Variants in SCNN1A observed in about 807,000 individuals in gnomAD.
The protein encoded by SCNN1A is epithelial sodium channel subunit alpha.
SCNN1A carries 65 observed loss-of-function variants against 68.6 expected under a neutral mutation model. That is an observed-to-expected ratio of 0.95 (90% confidence interval 0.78 to 1.16). The LOEUF (loss-of-function observed/expected upper bound fraction) is 1.16. Ranked by LOEUF, SCNN1A falls within the 50% of genes most tolerant of loss-of-function variation. SCNN1A has a pLI of 0.00. For missense variants in SCNN1A, 880 were observed against 865.9 expected (o/e 1.02, Z -0.20); for synonymous variants, 357 against 353.3 (o/e 1.01, Z -0.12).
rs1457207210 is a variant in SCNN1A at position 6,355,858 on chromosome 12, G to A, written c.898C>T (p.Pro300Ser). 8 of 1,611,670 alleles carry A rather than the reference G, an allele frequency of 5.0e-6. No individual in the cohort carries two copies. The highest frequency in any genetic ancestry group is 5.1e-6 in the Non-Finnish European group (6 of 1,177,838). The part of the protein sequence containing the change: ...NQANYSHFHH[P>S]MYGNCYTFND... The stretch of plus-strand genomic sequence containing the variant: ...AAAGTATAGCAGTTTCCATACATCG[G>A]GTGGTGGAAGTGAGAGTAATTCCTT... The change falls in exon 5 of 13, where the codon CCG becomes TCG. Residue 300 changes from proline to serine, a missense_variant. Around this residue, in one of 3 missense-constraint regions of SCNN1A, gnomAD observed 758 missense variants for 721.8 expected, o/e 1.05. Coordinates refer to ENST00000228916, the MANE Select transcript of SCNN1A (RefSeq NM_001038.6).
At chr12:6,363,380 T>A (rs1187091737) in intron 3 of SCNN1A, 63 bp downstream of exon 3, 2 of 1,391,792 alleles carry the variant, frequency 1.4e-6, no homozygotes, top group African/African-American at 1.5e-5. Context: ...GCGGAGCCCA[T>A]GGGTGGGCGG....
intron 2 of SCNN1A, among the ~76,000 whole-genome samples, chr12:6,369,566 C>A (rs1344478691): frequency 6.6e-6 from 1 of 152,172 alleles, no homozygotes; most frequent in Non-Finnish European, 1.5e-5. Context: ...GGCGCGGTGG[C>A]TCACGCCTAT....
rs558684489 is a variant in SCNN1A, at chr12:6,375,257, G to A, written c.-55+248C>T. The A allele has an allele frequency of 3.1e-5, 45 of 1,437,444 alleles. No homozygotes were observed. In the South Asian group the frequency reaches 5.7e-4, roughly 18 times the overall value. The allele number at this position is 1,437,444 out of a possible 1,614,324, so 89.0% of individuals were successfully genotyped here. A position where few individuals can be genotyped will look rare whatever the true frequency, so the allele number is the denominator to read the frequency against. On this transcript the variant is annotated intron_variant, in intron 1 of 12. Transcript: ENST00000228916. ...GGTCTCTCCTGCTCTCCTCTTTCTG[G>A]CCTGCCTCCTCTCTCTAATCCTGCC...
chr12:6,375,298 C>A lies in SCNN1A; in HGVS notation c.-55+207G>T, dbSNP rs72645132. ...TAATCCTGCCTCTCTTCCTCTCCCC[C>A]CCTTGCCTTGCCCCCTCTCACTCTA... On this transcript the variant is annotated intron_variant, in intron 1 of 12. Transcript: ENST00000228916. The A allele has an allele frequency of 1.0e-3, 1,485 of 1,438,756 alleles. 16 individuals are homozygous for A. In the African/African-American group the frequency reaches 0.016, roughly 15 times the overall value. 89.1% of individuals were successfully genotyped at this position (1,438,756 alleles called of 1,614,324 possible).
At chr12:6,355,459 T>G in intron 5 of SCNN1A, 24 bp from the exon 6 acceptor site, 1 of 1,612,864 alleles carries the variant, frequency 6.2e-7, no homozygotes, top group Non-Finnish European at 8.5e-7. Context: ...GAGAGCAGAG[T>G]TGGCAGAGGC....
intron 5 of SCNN1A, 147 bp from the exon 6 acceptor site, chr12:6,355,582 CCT>C: frequency 1.9e-6 from 2 of 1,066,852 alleles, no homozygotes; most frequent in Non-Finnish European, 1.4e-6. Flanking sequence ...CCTGGCAACC[CCT>C]GAGCTGGAAT....
At chr12:6,364,772 AAAAATTAATTGCATTTCCGTCTCAAAAAG>A (rs1462793749) in intron 2 of SCNN1A, among the ~76,000 whole-genome samples, 1 of 152,154 alleles carries the variant, frequency 6.6e-6, no homozygotes. Flanking sequence ...AAAAAAAAAA[AAAAATTAATTGCATTTCCGTCTCAAAAAG>A]AAATTAATTG....
At position 6,374,692 on chromosome 12, in the gene SCNN1A, A is replaced by G. The variant is rs771310951; in HGVS notation, c.92T>C (p.Leu31Pro). Reference sequence around the variant, plus strand: ...CTGGGGCGCCGCAGGTTCGGGGCCCAGCCCCTGCTCCTCACGCTTGTTCCC... The same window carrying G: ...CTGGGGCGCCGCAGGTTCGGGGCCCGGCCCCTGCTCCTCACGCTTGTTCCC... Reference protein sequence around the residue: ...MKGNKREEQGLGPEPAAPQQP... With the variant: ...MKGNKREEQGPGPEPAAPQQP... Residue 31 changes from leucine to proline, a missense_variant, in exon 2 of 13, where the codon CTG (leucine) becomes CCG (proline). Leu to Pro is a moderately conservative substitution (Grantham distance 98). Transcript: ENST00000228916. The surrounding 1 kb of genome is among the most constrained non-coding windows in gnomAD (Gnocchi z 6.2). The G allele has an allele frequency of 2.2e-5, 36 of 1,613,904 alleles. No homozygotes were observed. In the African/African-American group the frequency reaches 4.1e-4, roughly 19 times the overall value.
Position 6,374,293 on chromosome 12 carries a change from C to A in SCNN1A, c.416+75G>T. ...CCCTCAGGTCTGAGGCTCTGCCTGC[C>A]CAGTGAGCACCTCAGCACCCTGGAC... On this transcript the variant is annotated intron_variant, in intron 2 of 12. Coordinates refer to ENST00000228916, the MANE Select transcript of SCNN1A (RefSeq NM_001038.6). The surrounding 1 kb of genome is among the most constrained non-coding windows in gnomAD (Gnocchi z 6.2). The A allele has an allele frequency of 6.7e-7, 1 of 1,496,870 alleles. No individual in the cohort carries two copies. Among genetic ancestry groups the A allele is most frequent in the South Asian group, 1.2e-5 (1 of 81,514 alleles). 92.7% of individuals were successfully genotyped at this position (1,496,870 alleles called of 1,614,324 possible).
chr12:6,361,969 G>A, intron 4 of SCNN1A, 82 bp downstream of exon 4: 1 of 1,445,172 alleles, frequency 6.9e-7, no homozygotes, highest in Middle Eastern at 2.3e-4. Context: ...AGCATTTCCT[G>A]GGCCCTGCCC....
At position 6,363,576 on chromosome 12, in the gene SCNN1A, A is replaced by G; in HGVS notation, c.551T>C (p.Leu184Pro). The G allele has an allele frequency of 6.2e-7, 1 of 1,611,750 alleles. No homozygotes were observed. The highest frequency in any genetic ancestry group is 2.2e-5 in the East Asian group (1 of 44,804). The change falls in exon 3 of 13, where the codon CTG becomes CCG. Residue 184 changes from leucine (L) to proline (P), a missense_variant. Physicochemically the swap from Leu to Pro is moderately conservative, Grantham distance 98. Around this residue, in one of 3 missense-constraint regions of SCNN1A, gnomAD observed 758 missense variants for 721.8 expected, o/e 1.05. Coordinates refer to ENST00000228916, the MANE Select transcript of SCNN1A (RefSeq NM_001038.6). ...CCTCAGGCGCTGCAAGGGGTGCGGC[A>G]GAGTCCCCCGCAGGTCGCGACGGCT... is the stretch of plus-strand genomic sequence containing the variant. ...SRSRRDLRGTLPHPLQRLRVP... is the reference protein window; with the variant it reads ...SRSRRDLRGTPPHPLQRLRVP...
intron 4 of SCNN1A, among the ~76,000 whole-genome samples, chr12:6,359,585 G>A (rs1234100618): frequency 6.6e-6 from 1 of 152,000 alleles, no homozygotes; most frequent in Non-Finnish European, 1.5e-5. Flanking sequence ...ATAGCTGGTT[G>A]TTTAAAAGTG....
Position 6,374,696 on chromosome 12 carries a change from C to T in SCNN1A, c.88G>A (p.Gly30Arg). The T allele has an allele frequency of 1.2e-6, 2 of 1,614,048 alleles. No individual in the cohort carries two copies. The highest frequency in any genetic ancestry group is 1.7e-5 in the Admixed American group (1 of 60,014). ...GGCGCCGCAGGTTCGGGGCCCAGCC[C>T]CTGCTCCTCACGCTTGTTCCCCTTC... ...LMKGNKREEQ[G>R]LGPEPAAPQQ... Residue 30 changes from glycine (G) to arginine (R), a missense_variant, in exon 2 of 13, where the codon GGG becomes AGG. Transcript: ENST00000228916. The surrounding 1 kb of genome is among the most constrained non-coding windows in gnomAD (Gnocchi z 6.2).
intron 8 of SCNN1A, chr12:6,349,720 AT>A: frequency 3.9e-6 from 1 of 259,604 alleles, no homozygotes; most frequent in Non-Finnish European, 7.6e-6. Flanking sequence ...AAAAAAAAAA[AT>A]TTTTAATAAA....
At chr12:6,375,447 G>T (rs940972014) in intron 1 of SCNN1A, 58 bp downstream of exon 1, 1 of 1,535,196 alleles carries the variant, frequency 6.5e-7, no homozygotes, top group Non-Finnish European at 8.7e-7. Flanking sequence ...GTTGCGGCTG[G>T]ACTGGGACTG....
At chr12:6,370,783 C>G (rs1223909841) in intron 2 of SCNN1A, among the ~76,000 whole-genome samples, 1 of 152,232 alleles carries the variant, frequency 6.6e-6, no homozygotes, top group Admixed American at 6.5e-5. Flanking sequence ...GAAACTGCCC[C>G]TTGCTTCACC....
rs1281860921 is a variant in SCNN1A, at chr12:6,372,967, C to T, written c.416+1401G>A. On this transcript the variant is annotated intron_variant, in intron 2 of 12. Transcript: ENST00000228916. This position sits in a 1 kb window ranked among gnomAD's most constrained non-coding sequence, Gnocchi z 5.8. ...ACTTGCCTCTCTTTGCCTTAGTTTC[C>T]TCAAGTGTAAAATAGGGATAACAAT... 6.6e-6 allele frequency among the ~76,000 whole-genome samples: 1 copy of T among 152,140 alleles called. No individual in the cohort carries two copies. Among genetic ancestry groups the T allele is most frequent in the East Asian group, 1.9e-4 (1 of 5,192 alleles).
chr12:6,377,237 G>C, upstream of SCNN1A: 1 of 1,545,948 alleles, frequency 6.5e-7, no homozygotes, highest in Non-Finnish European at 8.7e-7. Context: ...TTCCAAACCA[G>C]GTTCCCTTGC....
chr12:6,363,829 C>G, intron 2 of SCNN1A, 119 bp from the exon 3 acceptor site: 1 of 922,352 alleles, frequency 1.1e-6, no homozygotes. Context: ...GAAGCCTGGG[C>G]GGGGCTGGGG....
Sources: gnomAD v4.1 joint callset for allele counts (sites outside exome capture counted in the v4.1 genomes callset) on GRCh38, gnomAD v4.1.1 for gene constraint, gnomAD v4.1.1 regional missense constraint, Gnocchi (gnomAD v3.1) non-coding constraint, MANE v1.5 for transcripts, NCBI Gene and HGNC (gene_info 2026-07-23, HGNC 2026-07-21) for gene names.